The following TMEFF2 variants were observed in gnomAD, a reference collection of about 807,000 sequenced individuals.
The protein encoded by TMEFF2 is transmembrane protein with EGF like and two follistatin like domains 2, also known as tomoregulin-2.
In TMEFF2, 28 loss-of-function variants were observed where a neutral mutation model predicts 53.8. The observed-to-expected ratio is 0.52, with a 90% CI of 0.39 to 0.71. The LOEUF is 0.71. Ranked by LOEUF, TMEFF2 falls within the 30% of genes least tolerant of loss-of-function variation. The pLI is 0.00. For synonymous variants in TMEFF2, 162 were observed against 166.3 expected (o/e 0.97, Z 0.20); for missense variants, 353 against 455.2 (o/e 0.78, Z 2.04).
At chr2:192,121,437 A>G (rs1422051515) in intron 4 of TMEFF2, among the ~76,000 whole-genome samples, 4 of 152,164 alleles carry the variant, frequency 2.6e-5, no homozygotes, top group African/African-American at 7.2e-5. Context: ...CAGTGGAGAC[A>G]AAGTAGAAGG....
At chr2:192,058,678 A>C (rs1362184303) in intron 4 of TMEFF2, among the ~76,000 whole-genome samples, 3 of 152,188 alleles carry the variant, frequency 2.0e-5, no homozygotes, top group Non-Finnish European at 4.4e-5. Flanking sequence ...AAGAAAAAGT[A>C]GTTTTATTTT....
chr2:192,006,644 A>G (rs1423336723), intron 5 of TMEFF2, among the ~76,000 whole-genome samples: 2 of 152,220 alleles, frequency 1.3e-5, no homozygotes, highest in Non-Finnish European at 2.9e-5. Flanking sequence ...CTAAATGCAT[A>G]TCAACTGCTT....
intron 4 of TMEFF2, among the ~76,000 whole-genome samples, chr2:192,120,491 A>G (rs1689523888): frequency 6.6e-6 from 1 of 152,180 alleles, no homozygotes; most frequent in African/African-American, 2.4e-5. Context: ...CCTGTTGAAT[A>G]TGTATGATAC....
At chr2:192,113,906 T>C (rs569577198) in intron 4 of TMEFF2, among the ~76,000 whole-genome samples, 92 of 152,272 alleles carry the variant, frequency 6.0e-4, no homozygotes, top group African/African-American at 2.2e-3. Context: ...AAAGGGCACA[T>C]TGCTAACAGT....
chr2:192,045,706 A>C (rs1322202686), intron 5 of TMEFF2, among the ~76,000 whole-genome samples: 1 of 152,188 alleles, frequency 6.6e-6, no homozygotes, highest in Non-Finnish European at 1.5e-5. Flanking sequence ...CTGAGTTCTT[A>C]ATCTGCTAGA....
At chr2:192,062,075 T>C (rs533144426) in intron 4 of TMEFF2, among the ~76,000 whole-genome samples, 1 of 8,956 alleles carries the variant, frequency 1.1e-4, no homozygotes, top group Admixed American at 2.6e-3. Flanking sequence ...CAGTAGCCTT[T>C]AATTAGTGTT....
chr2:192,149,902 C>A (rs1275792899), intron 4 of TMEFF2, among the ~76,000 whole-genome samples: 7 of 151,952 alleles, frequency 4.6e-5, no homozygotes, highest in Admixed American at 1.3e-4. Context: ...TCCTGGCTAA[C>A]TTTCAACTAT....
intron 4 of TMEFF2, among the ~76,000 whole-genome samples, chr2:192,135,029 G>A (rs1008923788): frequency 1.3e-5 from 2 of 152,162 alleles, no homozygotes; most frequent in African/African-American, 4.8e-5. Context: ...GCCCATTTAA[G>A]CTCCTGTATA....
intron 5 of TMEFF2, among the ~76,000 whole-genome samples, chr2:192,017,084 A>G (rs1686760755): frequency 6.6e-6 from 1 of 152,206 alleles, no homozygotes; most frequent in Non-Finnish European, 1.5e-5. Context: ...GTGGGAGACA[A>G]ATCTCCAATA....
intron 4 of TMEFF2, among the ~76,000 whole-genome samples, chr2:192,172,970 C>T (rs1020840231): frequency 6.6e-6 from 1 of 151,890 alleles, no homozygotes; most frequent in Non-Finnish European, 1.5e-5. Flanking sequence ...TTCATCTACA[C>T]ATCCAAAAGC....
chr2:192,015,307 G>GA (rs1553513624), intron 5 of TMEFF2, among the ~76,000 whole-genome samples: 3 of 57,448 alleles, frequency 5.2e-5, no homozygotes, highest in Non-Finnish European at 7.2e-5. Flanking sequence ...TATCACTGAA[G>GA]CTTTTTTTTT....
chr2:191,950,883 A>G (rs1036153509), intron 9 of TMEFF2, among the ~76,000 whole-genome samples: 5 of 152,198 alleles, frequency 3.3e-5, no homozygotes, highest in African/African-American at 1.2e-4. Flanking sequence ...ATTGTTTTGG[A>G]CCAGCCTAAT....
At chr2:192,108,581 G>A (rs560141570) in intron 4 of TMEFF2, among the ~76,000 whole-genome samples, 2 of 151,890 alleles carry the variant, frequency 1.3e-5, no homozygotes, top group South Asian at 4.2e-4. Context: ...AACAATGAGA[G>A]GAACCCTGTA....
intron 4 of TMEFF2, among the ~76,000 whole-genome samples, chr2:192,102,626 C>CTTTTTTTTT (rs10635775): frequency 3.6e-4 from 40 of 109,810 alleles, no homozygotes; most frequent in African/African-American, 5.0e-4. Context: ...TTTTCTTGTT[C>CTTTTTTTTT]TTTTTTTTTT....
At chr2:192,185,126 C>G (rs1202100684) in intron 2 of TMEFF2, among the ~76,000 whole-genome samples, 1 of 151,836 alleles carries the variant, frequency 6.6e-6, no homozygotes, top group Non-Finnish European at 1.5e-5. Context: ...AACTACTGAA[C>G]TATAAGTAAA....
chr2:192,065,131 T>A (rs1250506949), intron 4 of TMEFF2, among the ~76,000 whole-genome samples: 1 of 151,880 alleles, frequency 6.6e-6, no homozygotes, highest in Non-Finnish European at 1.5e-5. Context: ...TTTCTAATAT[T>A]TTCTTTCTTT....
intron 5 of TMEFF2, among the ~76,000 whole-genome samples, chr2:192,022,296 T>C (rs1367799206): frequency 2.6e-5 from 4 of 152,204 alleles, no homozygotes; most frequent in Admixed American, 2.6e-4. Context: ...ATCCTCATCA[T>C]TGAAGTTGAA....
intron 4 of TMEFF2, among the ~76,000 whole-genome samples, chr2:192,131,637 C>A (rs1468149322): frequency 1.3e-5 from 2 of 152,008 alleles, no homozygotes; most frequent in Non-Finnish European, 2.9e-5. Context: ...GGCAAGAAAC[C>A]CCCATCCCTT....
chr2:192,123,548 T>C (rs879461476), intron 4 of TMEFF2, among the ~76,000 whole-genome samples: 3 of 152,200 alleles, frequency 2.0e-5, no homozygotes, highest in Non-Finnish European at 4.4e-5. Flanking sequence ...TAGGAGGATA[T>C]ATAGGAGTTG....
Sources: allele counts gnomAD v4.1 joint callset (sites outside exome capture counted in the v4.1 genomes callset), GRCh38; gene constraint gnomAD v4.1.1; transcripts MANE v1.5; gene names NCBI Gene and HGNC (gene_info 2026-07-23, HGNC 2026-07-21).